ANKRD6: variants seen among roughly 807,000 people sequenced by gnomAD.
ANKRD6 encodes the protein ankyrin repeat domain 6.
In ANKRD6, 56 loss-of-function variants were observed where a neutral mutation model predicts 82.3. That is an observed-to-expected ratio of 0.68 (90% CI 0.55 to 0.85). ANKRD6 has a LOEUF of 0.85. Ranked by LOEUF, ANKRD6 falls within the 40% of genes least tolerant of loss-of-function variation. The pLI, the probability that ANKRD6 is intolerant of heterozygous loss-of-function variation, is 0.00. For synonymous variants in ANKRD6, 347 were observed against 352.1 expected, an observed-to-expected ratio of 0.99 and a Z score of 0.16; for missense variants, 852 against 907.6, an observed-to-expected ratio of 0.94 and a Z score of 0.79.
intron 1 of ANKRD6, among the ~76,000 whole-genome samples, chr6:89,528,597 C>G (rs1782786417): frequency 6.6e-6 from 1 of 152,216 alleles, no homozygotes; most frequent in South Asian, 2.1e-4. Flanking sequence ...TTGACCTCTT[C>G]CTGTGAATCA....
intron 1 of ANKRD6, among the ~76,000 whole-genome samples, chr6:89,490,372 A>G (rs1777876819): frequency 6.6e-6 from 1 of 152,260 alleles, no homozygotes; most frequent in Non-Finnish European, 1.5e-5. Flanking sequence ...CAAATACGTG[A>G]TACCTCATAA....
intron 1 of ANKRD6, among the ~76,000 whole-genome samples, chr6:89,547,549 G>A (rs1279189946): frequency 6.6e-6 from 1 of 152,206 alleles, no homozygotes; most frequent in Non-Finnish European, 1.5e-5. Flanking sequence ...CCTGACAGCA[G>A]CTGCTTGGCA....
chr6:89,522,363 C>A (rs536759562), intron 1 of ANKRD6, among the ~76,000 whole-genome samples: 1 of 152,274 alleles, frequency 6.6e-6, no homozygotes, highest in East Asian at 1.9e-4. Flanking sequence ...TCGACTGCAT[C>A]TCTGAATGGT....
rs961865390 is a variant in ANKRD6, at chr6:89,624,037, A to G, written c.1198A>G (p.Lys400Glu). The change falls in exon 12 of 16, where the codon AAG (lysine) becomes GAG (glutamate). Residue 400 changes from lysine to glutamate, a missense_variant. Physicochemically the swap from Lys to Glu is moderately conservative, Grantham distance 56. Transcript: ENST00000339746. ...TCAGCTCTACACATTGTACCGGGGC[A>G]AGGATGGGAAAGTGATGCAGGTACC... Reference protein sequence around the residue: ...AYQLYTLYRGKDGKVMQAPIN... With the variant: ...AYQLYTLYRGEDGKVMQAPIN... The G allele has an allele frequency of 3.1e-6, 5 of 1,594,114 alleles. No individual in the cohort carries two copies. The African/African-American group carries it at 6.9e-5, about 22-fold the overall frequency.
intron 1 of ANKRD6, among the ~76,000 whole-genome samples, chr6:89,520,678 A>G (rs2127966528): frequency 6.6e-6 from 1 of 152,324 alleles, no homozygotes; most frequent in South Asian, 2.1e-4. Flanking sequence ...TTCTTGTTTC[A>G]TGTGAGCAAT....
At chr6:89,606,781 A>G (rs1388089120) in intron 5 of ANKRD6, among the ~76,000 whole-genome samples, 1 of 149,842 alleles carries the variant, frequency 6.7e-6, no homozygotes, top group East Asian at 2.0e-4. Flanking sequence ...GCTTGAACCT[A>G]GGAAGCAGAG....
At chr6:89,630,409 C>T (rs146470559) in intron 15 of ANKRD6, 24 bp from the exon 16 acceptor site, 20 of 1,592,336 alleles carry the variant, frequency 1.3e-5, no homozygotes, top group African/African-American at 4.0e-5. Context: ...TTTGCTCTCA[C>T]GTTTGTTTTC....
intron 1 of ANKRD6, among the ~76,000 whole-genome samples, chr6:89,466,962 C>T (rs1774917173): frequency 6.6e-6 from 1 of 152,156 alleles, no homozygotes; most frequent in East Asian, 1.9e-4. Context: ...CCATATTGGC[C>T]TCCCAAAGTG....
At chr6:89,564,018 G>A (rs1787949792) in intron 1 of ANKRD6, among the ~76,000 whole-genome samples, 1 of 152,188 alleles carries the variant, frequency 6.6e-6, no homozygotes, top group African/African-American at 2.4e-5. Context: ...CCCACAAACT[G>A]TGTGTAAATG....
intron 13 of ANKRD6, 31 bp from the exon 14 acceptor site, chr6:89,627,550 TCA>T (rs1389381534): frequency 4.4e-6 from 7 of 1,604,614 alleles, no homozygotes; most frequent in Non-Finnish European, 6.0e-6. Flanking sequence ...TGAGATCATC[TCA>T]GTCTTACACT....
At chr6:89,558,883 C>T (rs937844572) in intron 1 of ANKRD6, among the ~76,000 whole-genome samples, 4 of 152,022 alleles carry the variant, frequency 2.6e-5, no homozygotes, top group African/African-American at 9.7e-5. Context: ...AACTTAAAAT[C>T]GCTCTAAAAG....
intron 2 of ANKRD6, among the ~76,000 whole-genome samples, chr6:89,569,588 T>G (rs1186784903): frequency 1.3e-5 from 2 of 152,262 alleles, no homozygotes; most frequent in Non-Finnish European, 2.9e-5. Flanking sequence ...AAATATGTTT[T>G]CAGTTCTCTA....
intron 1 of ANKRD6, among the ~76,000 whole-genome samples, chr6:89,553,132 G>A (rs1008724168): frequency 6.6e-6 from 1 of 152,202 alleles, no homozygotes; most frequent in African/African-American, 2.4e-5. Context: ...GAAGAGCAGT[G>A]TGTGTCATAG....
intron 7 of ANKRD6, 86 bp downstream of exon 7, chr6:89,613,976 G>T: frequency 7.2e-7 from 1 of 1,387,620 alleles, no homozygotes. Flanking sequence ...GGGAGCAGAG[G>T]CTGCTGGGAA....
chr6:89,537,879 C>CAAAAAAAA (rs55864526), intron 1 of ANKRD6, among the ~76,000 whole-genome samples: 5 of 110,800 alleles, frequency 4.5e-5, no homozygotes, highest in African/African-American at 1.4e-4. Flanking sequence ...GACAATGTCT[C>CAAAAAAAA]AAAAAAAAAA....
At position 89,624,467 on chromosome 6, in the gene ANKRD6, G is replaced by A. The variant is rs9359857; in HGVS notation, c.1219-72G>A. 133 of 1,511,550 alleles carry A rather than the reference G, an allele frequency of 8.8e-5. No individual in the cohort carries two copies. In the East Asian group the frequency reaches 1.1e-3, roughly 12 times the overall value. The allele number at this position is 1,511,550 out of a possible 1,614,324, so 93.6% of individuals were successfully genotyped here. ...TATCCCCTGGTATACTGCCTGGCAC[G>A]TGGATGGTGCTCAAAACATACCTGA... On this transcript the variant is annotated intron_variant, in intron 12 of 15. Transcript: ENST00000339746.
intron 1 of ANKRD6, among the ~76,000 whole-genome samples, chr6:89,545,457 G>A (rs913758059): frequency 1.3e-5 from 2 of 152,170 alleles, no homozygotes; most frequent in South Asian, 4.1e-4. Context: ...TAGCTCTACT[G>A]GTCATAGCAG....
At chr6:89,445,239 C>T (rs979282851) in intron 1 of ANKRD6, among the ~76,000 whole-genome samples, 10 of 137,748 alleles carry the variant, frequency 7.3e-5, no homozygotes, top group South Asian at 2.4e-4. Context: ...AAAATTGTTT[C>T]GGTGATCTGT....
chr6:89,622,133 G>A, intron 10 of ANKRD6, 107 bp downstream of exon 10: 1 of 905,808 alleles, frequency 1.1e-6, no homozygotes, highest in Non-Finnish European at 1.7e-6. Context: ...GGCCCTCTCT[G>A]CCTCTCCTCC....
Sources: allele counts gnomAD v4.1 joint callset (sites outside exome capture counted in the v4.1 genomes callset), GRCh38; gene constraint gnomAD v4.1.1; transcripts MANE v1.5; gene names NCBI Gene and HGNC (gene_info 2026-07-23, HGNC 2026-07-21).